RAB5B: variants seen among roughly 807,000 people sequenced by gnomAD.
RAB5B encodes the protein RAB5B, member RAS oncogene family.
In RAB5B, 11 loss-of-function variants were observed where a neutral mutation model predicts 28.6. That is an observed-to-expected ratio of 0.38 (90% CI 0.24 to 0.64). The LOEUF is 0.64. RAB5B is among the 30% of genes least tolerant of loss of function. The probability of loss-of-function intolerance (pLI) is 0.53; values close to 1 mark genes in which losing one functional copy is unlikely to be tolerated. For missense variants in RAB5B, 169 were observed against 265.6 expected, an observed-to-expected ratio of 0.64 and a Z score of 2.53; for synonymous variants, 93 against 97.9, an observed-to-expected ratio of 0.95 and a Z score of 0.29.
At chr12:55,982,712 G>A (rs1889843865) in intron 1 of RAB5B, among the ~76,000 whole-genome samples, 1 of 152,124 alleles carries the variant, frequency 6.6e-6, no homozygotes, top group African/African-American at 2.4e-5. Context: ...ACCACATCTG[G>A]GCTCTGGCTT....
At chr12:55,981,396 TCAC>T (rs1311113265) in intron 1 of RAB5B, among the ~76,000 whole-genome samples, 1 of 152,084 alleles carries the variant, frequency 6.6e-6, no homozygotes, top group Admixed American at 6.6e-5. Context: ...CTCGGTTTCC[TCAC>T]CTATAAAATA....
At chr12:55,977,158 A>AAT (rs1889668536) in intron 1 of RAB5B, among the ~76,000 whole-genome samples, 2 of 152,218 alleles carry the variant, frequency 1.3e-5, no homozygotes, top group African/African-American at 4.8e-5. Context: ...TATTATTAGT[A>AAT]GAGACGGGAT....
intron 1 of RAB5B, chr12:55,985,514 C>T (rs17118206): frequency 0.07 from 18,526 of 265,432 alleles, 775 homozygotes; most frequent in African/African-American, 0.08. Flanking sequence ...CCTTTCCGCT[C>T]AGAGTCAGGA....
chr12:55,996,675 G>C lies in RAB5B; in HGVS notation c.*4463G>C, dbSNP rs1031861917. 1 of 152,042 alleles carries C rather than the reference G, an allele frequency of 6.6e-6. No individual in the cohort carries two copies. The highest frequency in any genetic ancestry group is 1.5e-5 in the Non-Finnish European group (1 of 68,010). 9.4% of individuals were successfully genotyped at this position (152,042 alleles called of 1,614,324 possible). ...TTTTTTTCTACGCAAAATAAAAGAC[G>C]GCTATTCAGTGTTGTTGTTTCATTT... On this transcript the variant is annotated 3_prime_UTR_variant, in exon 6 of 6. Coordinates refer to ENST00000360299, the MANE Select transcript of RAB5B (RefSeq NM_002868.4).
At position 55,994,875 on chromosome 12, in the gene RAB5B, T is replaced by C. The variant is rs1890242240; in HGVS notation, c.*2663T>C. On this transcript the variant is annotated 3_prime_UTR_variant, in exon 6 of 6. Coordinates refer to ENST00000360299, the MANE Select transcript of RAB5B (RefSeq NM_002868.4). ...CATCTTTATTCCCTTTAATCTTTTC[T>C]TAAACATCTAGTTTAGAAAATAGCC... 2 of 152,174 alleles carry C rather than the reference T, an allele frequency of 1.3e-5. No individual in the cohort carries two copies. Among genetic ancestry groups the C allele is most frequent in the African/African-American group, 4.8e-5 (2 of 41,440 alleles). The allele number at this position is 152,174 out of a possible 1,614,324, so 9.4% of individuals were successfully genotyped here.
chr12:55,996,003 A>ATATATATATATTTTTTTT lies in RAB5B; in HGVS notation c.*3792_*3793insATATATATATTTTTTTTT. The ATATATATATATTTTTTTT allele has an allele frequency of 6.6e-4, 64 of 97,390 alleles. 1 individual carries two copies. Among genetic ancestry groups the ATATATATATATTTTTTTT allele is most frequent in the Non-Finnish European group, 8.9e-4 (45 of 50,470 alleles). The allele number at this position is 97,390 out of a possible 1,614,324, so 6.0% of individuals were successfully genotyped here. ...TATATACATATATATATATATATAT[A>ATATATATATATTTTTTTT]TTTTTTTTTTAACAACTGGTAGGAT... On this transcript the variant is annotated 3_prime_UTR_variant, in exon 6 of 6. Coordinates refer to ENST00000360299, the MANE Select transcript of RAB5B (RefSeq NM_002868.4).
intron 4 of RAB5B, 28 bp downstream of exon 4, chr12:55,990,832 A>C: frequency 6.2e-7 from 1 of 1,610,622 alleles, no homozygotes; most frequent in Non-Finnish European, 8.5e-7. Flanking sequence ...GTTCCTCTCT[A>C]ACACTTCCTC....
intron 1 of RAB5B, chr12:55,980,810 G>A: frequency 6.3e-7 from 1 of 1,581,450 alleles, no homozygotes; most frequent in Admixed American, 1.7e-5. Flanking sequence ...GTAGTAGGCA[G>A]TAGTTATTGT....
Position 55,987,037 on chromosome 12 carries a change from T to G in RAB5B, c.77T>G (p.Leu26Arg). 3 of 1,613,992 alleles carry G rather than the reference T, an allele frequency of 1.9e-6. No individual in the cohort carries two copies. The highest frequency in any genetic ancestry group is 2.5e-6 in the Non-Finnish European group (3 of 1,179,974). ...SKICQFKLVL[L>R]GESAVGKSSL... ...ATTTGCCAGTTCAAATTGGTCCTGCTGGGAGAATCTGCAGTGGGAAAGTCA... is the reference window on the plus strand; with the variant it reads ...ATTTGCCAGTTCAAATTGGTCCTGCGGGGAGAATCTGCAGTGGGAAAGTCA... The change falls in exon 2 of 6, where the codon CTG becomes CGG. Residue 26 changes from leucine (L) to arginine (R), a missense_variant. Coordinates refer to ENST00000360299, the MANE Select transcript of RAB5B (RefSeq NM_002868.4).
chr12:55,990,554 A>T, intron 3 of RAB5B, 128 bp from the exon 4 acceptor site: 1 of 1,216,180 alleles, frequency 8.2e-7, no homozygotes, highest in Non-Finnish European at 1.2e-6. Flanking sequence ...ATAATGAATT[A>T]TCAGAGACCT....
rs578004213 is a variant in RAB5B at position 55,980,521 on chromosome 12, G to A, written c.-92-6348G>A. The A allele has an allele frequency of 4.4e-4, 704 of 1,587,018 alleles. 11 individuals are homozygous for A. The South Asian group carries it at 7.1e-3, about 16-fold the overall frequency. ...TTCCTGATCTCCGGCCTCCTGACTT[G>A]AGCAAGATGTCCCGGGCCAGGGAAC... is the stretch of plus-strand genomic sequence containing the variant. On this transcript the variant is annotated intron_variant, in intron 1 of 5. Transcript: ENST00000360299.
chr12:55,990,835 A>G, intron 4 of RAB5B, 31 bp downstream of exon 4: 1 of 1,609,318 alleles, frequency 6.2e-7, no homozygotes, highest in Non-Finnish European at 8.5e-7. Flanking sequence ...CCTCTCTAAC[A>G]CTTCCTCTGT....
At chr12:55,981,762 A>T (rs1889813784) in intron 1 of RAB5B, among the ~76,000 whole-genome samples, 1 of 150,610 alleles carries the variant, frequency 6.6e-6, no homozygotes, top group Non-Finnish European at 1.5e-5. Flanking sequence ...AATCCTCCCT[A>T]GTTAATGGGT....
intron 1 of RAB5B, among the ~76,000 whole-genome samples, chr12:55,977,986 G>A (rs1047224598): frequency 1.3e-5 from 2 of 152,190 alleles, no homozygotes; most frequent in African/African-American, 4.8e-5. Flanking sequence ...AAAATTCAGC[G>A]AACTTTGTTT....
At chr12:55,982,622 G>A (rs1889841402) in intron 1 of RAB5B, among the ~76,000 whole-genome samples, 1 of 152,126 alleles carries the variant, frequency 6.6e-6, no homozygotes, top group African/African-American at 2.4e-5. Flanking sequence ...TACATATTAG[G>A]GTACGAGGTA....
At chr12:55,981,806 C>CTTTTTTTTTTTTTT (rs760479306) in intron 1 of RAB5B, among the ~76,000 whole-genome samples, 1 of 141,258 alleles carries the variant, frequency 7.1e-6, no homozygotes, top group African/African-American at 2.6e-5. Context: ...AGCCGTACTT[C>CTTTTTTTTTTTTTT]TTTTTTTTTT....
intron 1 of RAB5B, among the ~76,000 whole-genome samples, chr12:55,978,582 G>T (rs1889712543): frequency 6.6e-6 from 1 of 152,116 alleles, no homozygotes; most frequent in African/African-American, 2.4e-5. Flanking sequence ...TTGATTGGGG[G>T]AGAGAAGTAG....
At chr12:55,975,460 A>G (rs1194622751) in intron 1 of RAB5B, among the ~76,000 whole-genome samples, 2 of 152,136 alleles carry the variant, frequency 1.3e-5, no homozygotes, top group Admixed American at 6.6e-5. Flanking sequence ...TGAGTAGAGA[A>G]AAAGATACAG....
chr12:55,974,157 C>G lies in RAB5B; in HGVS notation c.-93+18C>G, dbSNP rs1346534109. 2 of 152,984 alleles carry G rather than the reference C, an allele frequency of 1.3e-5. No homozygotes were observed. The highest frequency in any genetic ancestry group is 4.1e-4 in the South Asian group (2 of 4,886). 9.5% of individuals were successfully genotyped at this position (152,984 alleles called of 1,614,324 possible). ...AGCCCCAGGTACCGAGCTGATGGAG[C>G]CCAAAGGGCAGGGGCGGAAGCGCCC... On this transcript the variant is annotated intron_variant, in intron 1 of 5. Transcript: ENST00000360299.
Sources: allele counts gnomAD v4.1 joint callset (sites outside exome capture counted in the v4.1 genomes callset), GRCh38; gene constraint gnomAD v4.1.1; transcripts MANE v1.5; gene names NCBI Gene and HGNC (gene_info 2026-07-23, HGNC 2026-07-21).